The following MSANTD1 variants were observed in gnomAD, a reference collection of about 807,000 sequenced individuals.
MSANTD1 encodes the protein myb/SANT-like DNA-binding domain-containing protein 1.
A neutral mutation model predicts 24.2 loss-of-function variants in MSANTD1; 7 were observed. The ratio of observed to expected loss-of-function variants is 0.29; its 90% CI spans 0.16 to 0.54. The LOEUF is 0.54. Among genes scored for constraint, MSANTD1 ranks in the 20% least tolerant of loss-of-function variants. MSANTD1 has a pLI of 0.94. For missense variants in MSANTD1, 384 were observed against 408.2 expected (o/e 0.94, Z 0.51); for synonymous variants, 177 against 181.1 (o/e 0.98, Z 0.18).
At chr4:3,251,448 A>C (rs1722225503) in intron 1 of MSANTD1, among the ~76,000 whole-genome samples, 1 of 152,128 alleles carries the variant, frequency 6.6e-6, no homozygotes, top group African/African-American at 2.4e-5. Flanking sequence ...GGGCTGGCCA[A>C]GGGCTGCACC....
In MSANTD1 at chr4:3,255,756, G is replaced by A. The variant is rs1393541267; in HGVS notation, c.628G>A (p.Val210Met). 1 of 1,546,502 alleles carries A rather than the reference G, an allele frequency of 6.5e-7. No individual in the cohort carries two copies. The highest frequency in any genetic ancestry group is 2.0e-5 in the Admixed American group (1 of 50,968). The change falls in exon 3 of 3, where the codon GTG becomes ATG. Residue 210 changes from valine (V) to methionine (M), a missense_variant. By Grantham distance (21) the Val-to-Met change is conservative. Transcript: ENST00000438480. ...SEERPVKKRK[V>M]QSCHLQKKQL... is the part of the protein sequence containing the mutation. ...GGAGCGGCCGGTGAAGAAGCGCAAGGTGCAGAGCTGCCACCTGCAGAAGAA... is the reference window on the plus strand; with the variant it reads ...GGAGCGGCCGGTGAAGAAGCGCAAGATGCAGAGCTGCCACCTGCAGAAGAA...
rs779299134 is a variant in MSANTD1 at position 3,249,417 on chromosome 4, C to T, written c.195C>T (p.Leu65=). ...MLVWEEFFDE[L]KQTKRNAKVY... is the part of the protein sequence containing the mutation. ...TCTGGGAGGAGTTCTTCGACGAGCT[C>T]AAGCAGACCAAGCGCAACGCCAAGG... The change falls in exon 1 of 3, where the codon CTC becomes CTT. Residue 65 remains leucine (L), a synonymous_variant. Transcript: ENST00000438480. 8 of 1,606,368 alleles carry T rather than the reference C, an allele frequency of 5.0e-6. No homozygotes were observed. In the Admixed American group the frequency reaches 5.1e-5, roughly 10 times the overall value.
chr4:3,249,061 CTGT>C (rs1227766781), upstream of MSANTD1: 39 of 560,108 alleles, frequency 7.0e-5, 1 homozygote, highest in African/African-American at 1.2e-4. Context: ...TAAAAGGTTT[CTGT>C]TGTTGTAGCT....
chr4:3,254,987 C>G (rs867296524), intron 2 of MSANTD1, among the ~76,000 whole-genome samples: 13 of 152,200 alleles, frequency 8.5e-5, no homozygotes, highest in South Asian at 2.1e-4. Context: ...CAGCACCCCC[C>G]ACCCCTGCCT....
chr4:3,255,687 T>A, intron 2 of MSANTD1, 38 bp from the exon 3 acceptor site: 2 of 1,493,082 alleles, frequency 1.3e-6, no homozygotes, highest in Non-Finnish European at 8.9e-7. Flanking sequence ...GCCCAGGCTC[T>A]GTGGCCAGCA....
At chr4:3,246,599 G>T, upstream of MSANTD1, 1 of 672,430 alleles carries the variant, frequency 1.5e-6, no homozygotes, top group South Asian at 1.6e-5. Flanking sequence ...GGTGCTGCTG[G>T]TTGACCAGCC....
chr4:3,255,795 C>T lies in MSANTD1; in HGVS notation c.667C>T (p.Leu223=). 1 of 1,546,926 alleles carries T rather than the reference C, an allele frequency of 6.5e-7. No homozygotes were observed. Among genetic ancestry groups the T allele is most frequent in the African/African-American group, 1.4e-5 (1 of 73,128 alleles). The change falls in exon 3 of 3, where the codon CTG becomes TTG. Residue 223 remains leucine, a synonymous_variant. Transcript: ENST00000438480. ...CHLQKKQLRL[L]EAMVEEQRRL... ...CCTGCAGAAGAAGCAGCTGCGGCTG[C>T]TGGAGGCCATGGTGGAGGAGCAGCG...
chr4:3,251,814 T>C (rs1048889518), intron 1 of MSANTD1, among the ~76,000 whole-genome samples: 13 of 152,178 alleles, frequency 8.5e-5, no homozygotes, highest in African/African-American at 2.9e-4. Context: ...CCTCCTACAC[T>C]GAGAATAGGC....
upstream of MSANTD1, among the ~76,000 whole-genome samples, chr4:3,247,116 T>C (rs1468644640): frequency 6.6e-6 from 1 of 152,080 alleles, no homozygotes; most frequent in Non-Finnish European, 1.5e-5. Context: ...CAAGGTGGAT[T>C]TGTGGAAGGG....
At chr4:3,253,773 T>G (rs1018527091) in intron 2 of MSANTD1, among the ~76,000 whole-genome samples, 2 of 152,188 alleles carry the variant, frequency 1.3e-5, no homozygotes, top group African/African-American at 2.4e-5. Context: ...AGTACCTTTC[T>G]CAGAGGGTGG....
upstream of MSANTD1, chr4:3,245,374 C>T (rs362295): frequency 0.096 from 14,622 of 152,578 alleles, 719 homozygotes; most frequent in South Asian, 0.15. Context: ...GCTTCCCCTG[C>T]GTGGTGCGTG....
Position 3,256,035 on chromosome 4 carries a change from C to T in MSANTD1, c.*70C>T, listed in dbSNP as rs1410770043. ...TGCTCAGGCCACCCAGGGCAGGCCA[C>T]TCAGGCCAGGCGGGCAAGGGGGCCG... On this transcript the variant is annotated 3_prime_UTR_variant, in exon 3 of 3. Coordinates refer to ENST00000438480, the MANE Select transcript of MSANTD1 (RefSeq NM_001042690.2). 1 of 1,413,036 alleles carries T rather than the reference C, an allele frequency of 7.1e-7. No homozygotes were observed. The highest frequency in any genetic ancestry group is 9.2e-7 in the Non-Finnish European group (1 of 1,089,054). The allele number at this position is 1,413,036 out of a possible 1,614,324, so 87.5% of individuals were successfully genotyped here.
chr4:3,246,432 G>A (rs1400370618), upstream of MSANTD1, among the ~76,000 whole-genome samples: 2 of 152,226 alleles, frequency 1.3e-5, no homozygotes, highest in African/African-American at 4.8e-5. Context: ...GAAATGCTGA[G>A]CAGGATGAGA....
At chr4:3,249,974 A>G (rs1231468463) in intron 1 of MSANTD1, among the ~76,000 whole-genome samples, 1 of 152,176 alleles carries the variant, frequency 6.6e-6, no homozygotes, top group East Asian at 1.9e-4. Flanking sequence ...CAAGCTCCCA[A>G]GCTCAGCAGG....
At position 3,253,245 on chromosome 4, in the gene MSANTD1, C is replaced by A; in HGVS notation, c.359C>A (p.Pro120His). 1 of 1,585,026 alleles carries A rather than the reference C, an allele frequency of 6.3e-7. No individual in the cohort carries two copies. The highest frequency in any genetic ancestry group is 8.6e-7 in the Non-Finnish European group (1 of 1,161,448). ...KCMTDSESAP[P>H]DWPYYLAIDG... is the part of the protein sequence containing the mutation. ...ATGACAGATAGCGAGTCCGCCCCGC[C>A]CGACTGGCCCTATTACCTAGCCATT... Residue 120 changes from proline to histidine, a missense_variant, in exon 2 of 3, where the codon CCC becomes CAC. By Grantham distance (77) the Pro-to-His change is moderately conservative. Coordinates refer to ENST00000438480, the MANE Select transcript of MSANTD1 (RefSeq NM_001042690.2).
chr4:3,250,000 C>T (rs1722170142), intron 1 of MSANTD1, among the ~76,000 whole-genome samples: 1 of 152,220 alleles, frequency 6.6e-6, no homozygotes, highest in Admixed American at 6.5e-5. Context: ...CAGGGGCCTA[C>T]TGCGTCATTG....
intron 1 of MSANTD1, among the ~76,000 whole-genome samples, chr4:3,251,937 G>A (rs1722242659): frequency 6.6e-6 from 1 of 152,214 alleles, no homozygotes; most frequent in Non-Finnish European, 1.5e-5. Flanking sequence ...CTGTGCTGGT[G>A]TCTTCACAGC....
At chr4:3,251,820 T>C (rs930173199) in intron 1 of MSANTD1, among the ~76,000 whole-genome samples, 1 of 152,060 alleles carries the variant, frequency 6.6e-6, no homozygotes, top group Non-Finnish European at 1.5e-5. Flanking sequence ...ACACTGAGAA[T>C]AGGCCTTTTC....
At chr4:3,246,653 C>A (rs1270612923), upstream of MSANTD1, 5 of 697,678 alleles carry the variant, frequency 7.2e-6, no homozygotes, top group Admixed American at 2.0e-5. Flanking sequence ...TCCCAGCAGG[C>A]CATGCAGCTT....
Sources: gnomAD v4.1 joint callset for allele counts (sites outside exome capture counted in the v4.1 genomes callset) on GRCh38, gnomAD v4.1.1 for gene constraint, MANE v1.5 for transcripts, NCBI Gene and HGNC (gene_info 2026-07-23, HGNC 2026-07-21) for gene names.